Variants in GPHN observed in about 807,000 individuals in gnomAD.
The protein encoded by GPHN is gephyrin.
GPHN carries 17 observed loss-of-function variants against 95.5 expected under a neutral mutation model. The observed-to-expected ratio is 0.18, with a 90% CI of 0.12 to 0.27. GPHN has a LOEUF of 0.27. Ranked by LOEUF, GPHN falls within the 10% of genes least tolerant of loss-of-function variation. The pLI is 1.00. For missense variants in GPHN, 660 were observed against 978.1 expected (o/e 0.67, Z 4.34); for synonymous variants, 320 against 322.5 (o/e 0.99, Z 0.08).
chr14:67,065,381 A>G (rs982143863), intron 11 of GPHN, among the ~76,000 whole-genome samples: 8 of 152,304 alleles, frequency 5.3e-5, no homozygotes, highest in East Asian at 3.9e-4. Flanking sequence ...AATACGTGCA[A>G]TGTGGTGCTG....
intron 10 of GPHN, among the ~76,000 whole-genome samples, chr14:67,037,716 A>G (rs1338227801): frequency 2.6e-5 from 4 of 151,850 alleles, no homozygotes; most frequent in Non-Finnish European, 5.9e-5. Flanking sequence ...GTCACTAATC[A>G]TCAGGGAAAT....
chr14:67,647,972 C>A, the GPHN span: 1 of 1,406,184 alleles, frequency 7.1e-7, no homozygotes, highest in Non-Finnish European at 9.7e-7. Context: ...GAGTTGCAAC[C>A]ATAAGAAGGA....
the GPHN span, among the ~76,000 whole-genome samples, chr14:67,457,331 C>T: frequency 9.0e-3 from 1,375 of 152,308 alleles, 14 homozygotes; most frequent in Non-Finnish European, 0.012. Flanking sequence ...TGCTGGCTCA[C>T]GCCTGTAATC....
chr14:67,256,791 A>C, the GPHN span, among the ~76,000 whole-genome samples: 4 of 128,252 alleles, frequency 3.1e-5, no homozygotes, highest in Non-Finnish European at 6.2e-5. Flanking sequence ...TGTTCCAGAA[A>C]CTATTGACAC....
At chr14:67,626,247 C>T in the GPHN span, among the ~76,000 whole-genome samples, 1 of 151,474 alleles carries the variant, frequency 6.6e-6, no homozygotes, top group Non-Finnish European at 1.5e-5. Context: ...GAGTGAGACT[C>T]TGTCTCAGGG....
intron 18 of GPHN, among the ~76,000 whole-genome samples, chr14:67,157,359 G>A (rs2081656420): frequency 6.6e-6 from 1 of 152,006 alleles, no homozygotes; most frequent in Admixed American, 6.6e-5. Flanking sequence ...ACCTCAAAAT[G>A]AAAAATACGT....
In GPHN at chr14:66,677,041, C is replaced by A. The variant is rs78374750; in HGVS notation, c.65-4066C>A. Among the ~76,000 whole-genome samples the A allele has an allele frequency of 7.4e-3, 1,121 of 152,016 alleles. 6 individuals are homozygous for A. Among genetic ancestry groups the A allele is most frequent in the African/African-American group, 0.026 (1,071 of 41,514 alleles). ...AGATTATATGTGTCCAGGAATGTAT[C>A]CATTTAATATAAGTTTTCTAATTTC... On this transcript the variant is annotated intron_variant, in intron 1 of 22. Coordinates refer to ENST00000478722, the MANE Select transcript of GPHN (RefSeq NM_020806.5).
the GPHN span, among the ~76,000 whole-genome samples, chr14:67,639,983 CAGAGG>C: frequency 2.1e-5 from 3 of 145,800 alleles, no homozygotes; most frequent in Non-Finnish European, 4.5e-5. Flanking sequence ...TGTCAACAGA[CAGAGG>C]AAAGACTTGA....
chr14:67,672,475 T>C, the GPHN span, among the ~76,000 whole-genome samples: 1 of 144,460 alleles, frequency 6.9e-6, no homozygotes, highest in Non-Finnish European at 1.5e-5. Context: ...ATACAGAGTC[T>C]TGATCTGTTG....
chr14:67,345,645 C>G, the GPHN span: 1 of 613,704 alleles, frequency 1.6e-6, no homozygotes, highest in Non-Finnish European at 2.9e-6. Context: ...GTTTGCTTTA[C>G]ATAGGATCAT....
intron 3 of GPHN, among the ~76,000 whole-genome samples, chr14:66,785,745 A>C (rs574855073): frequency 4.0e-5 from 6 of 151,792 alleles, no homozygotes; most frequent in African/African-American, 1.2e-4. Flanking sequence ...AAAAAAAAAA[A>C]CAGAAAAATA....
At chr14:67,316,076 A>C in the GPHN span, among the ~76,000 whole-genome samples, 609 of 152,346 alleles carry the variant, frequency 4.0e-3, 19 homozygotes, top group East Asian at 0.059. Flanking sequence ...CTCTGGCTTT[A>C]CACTGAAAAA....
At chr14:67,478,292 A>G in the GPHN span, among the ~76,000 whole-genome samples, 1 of 152,214 alleles carries the variant, frequency 6.6e-6, no homozygotes, top group African/African-American at 2.4e-5. Context: ...CATGCCCACC[A>G]TCATCCCACT....
chr14:67,564,209 G>A, the GPHN span, among the ~76,000 whole-genome samples: 1 of 152,122 alleles, frequency 6.6e-6, no homozygotes, highest in Admixed American at 6.6e-5. Context: ...CACCATGTTG[G>A]CCAGGCTAGT....
At chr14:66,963,788 G>A (rs2069130429) in intron 8 of GPHN, among the ~76,000 whole-genome samples, 1 of 152,052 alleles carries the variant, frequency 6.6e-6, no homozygotes, top group Non-Finnish European at 1.5e-5. Context: ...CACTGAAATG[G>A]TGGCAATATC....
chr14:67,316,416 T>C, the GPHN span, among the ~76,000 whole-genome samples: 200 of 152,250 alleles, frequency 1.3e-3, no homozygotes, highest in Non-Finnish European at 2.2e-3. Context: ...GAATATGGAA[T>C]TGAATATGTG....
chr14:66,717,828 G>A lies in GPHN; in HGVS notation c.143+36643G>A, dbSNP rs558325247. 1.3e-5 allele frequency among the ~76,000 whole-genome samples: 2 copies of A among 152,330 alleles called. 1 individual carries two copies. Among genetic ancestry groups the A allele is most frequent in the South Asian group, 4.1e-4 (2 of 4,822 alleles). On this transcript the variant is annotated intron_variant, in intron 2 of 22. Transcript: ENST00000478722. ...ACCCGGCTCCAGGCTTGTACTAGGG[G>A]TTGTCTGCACAGAGTCCTGTGATGT...
intron 12 of GPHN, among the ~76,000 whole-genome samples, chr14:67,097,029 G>A (rs537776682): frequency 3.7e-4 from 57 of 152,166 alleles, no homozygotes; most frequent in Admixed American, 1.1e-3. Flanking sequence ...TTCTAAGAAC[G>A]TTTTTGTAGC....
chr14:67,250,312 C>T, the GPHN span, among the ~76,000 whole-genome samples: 7 of 152,058 alleles, frequency 4.6e-5, no homozygotes, highest in African/African-American at 7.2e-5. Flanking sequence ...TGTAAATTAT[C>T]GAGAGCTGTG....
Sources: gnomAD v4.1 joint callset for allele counts (sites outside exome capture counted in the v4.1 genomes callset) on GRCh38, gnomAD v4.1.1 for gene constraint, MANE v1.5 for transcripts, NCBI Gene and HGNC (gene_info 2026-07-23, HGNC 2026-07-21) for gene names.